SHROOM3: variants seen among roughly 807,000 people sequenced by gnomAD.
SHROOM3 encodes the protein shroom family member 3.
A neutral mutation model predicts 138.6 loss-of-function variants in SHROOM3; 47 were observed. That is an observed-to-expected ratio of 0.34 (90% CI 0.27 to 0.43). SHROOM3 has a LOEUF of 0.43. Among genes scored for constraint, SHROOM3 ranks in the 20% least tolerant of loss-of-function variants. The probability of loss-of-function intolerance (pLI) is 1.00; values close to 1 mark genes in which losing one functional copy is unlikely to be tolerated. For synonymous variants in SHROOM3, 1,062 were observed against 1,063.3 expected (o/e 1.00, Z 0.02); for missense variants, 2,491 against 2,596.5 (o/e 0.96, Z 0.88).
rs574090316 is a variant in SHROOM3, at chr4:76,591,752, C to T, written c.323+35989C>T. 9.3e-4 allele frequency among the ~76,000 whole-genome samples: 141 copies of T among 151,176 alleles called. 1 individual carries two copies. The highest frequency in any genetic ancestry group is 6.0e-4 in the East Asian group (3 of 5,040). On this transcript the variant is annotated intron_variant, in intron 2 of 10. Transcript: ENST00000296043. ...TTTCTGAAACACAGGTTCCTAATGA[C>T]GTTTTTCTTTCTATAAAGTCCTGAC...
intron 2 of SHROOM3, among the ~76,000 whole-genome samples, chr4:76,604,600 TA>T (rs79237488): frequency 0.085 from 12,886 of 152,222 alleles, 588 homozygotes; most frequent in East Asian, 0.14. Context: ...GTTCAAATGG[TA>T]ACCGTCCACC....
intron 3 of SHROOM3, among the ~76,000 whole-genome samples, chr4:76,710,697 A>G (rs760546760): frequency 1.3e-5 from 2 of 152,218 alleles, no homozygotes; most frequent in Non-Finnish European, 2.9e-5. Flanking sequence ...ACTAATCTTC[A>G]TTTAAAATTT....
chr4:76,745,408 G>C (rs1381950751), intron 5 of SHROOM3, among the ~76,000 whole-genome samples: 3 of 152,134 alleles, frequency 2.0e-5, no homozygotes, highest in Non-Finnish European at 4.4e-5. Flanking sequence ...GTATTTTCAG[G>C]GAACTTCATG....
At chr4:76,531,229 C>A (rs200615755) in intron 1 of SHROOM3, among the ~76,000 whole-genome samples, 4 of 152,136 alleles carry the variant, frequency 2.6e-5, no homozygotes, top group Non-Finnish European at 5.9e-5. Context: ...TGTCCTGTGT[C>A]CCAACACCAG....
intron 2 of SHROOM3, among the ~76,000 whole-genome samples, chr4:76,598,065 G>T (rs1734426278): frequency 7.0e-6 from 1 of 143,010 alleles, no homozygotes; most frequent in South Asian, 2.2e-4. Flanking sequence ...TTGCTCTGTT[G>T]CCCAGGCTGG....
rs147221936 is a variant in SHROOM3 at position 76,442,051 on chromosome 4, T to G, written c.168+5831T>G. On this transcript the variant is annotated intron_variant, in intron 1 of 10. Coordinates refer to ENST00000296043, the MANE Select transcript of SHROOM3 (RefSeq NM_020859.4). Reference sequence around the variant, plus strand: ...AGTGGCTTTTTATTATACAGGTATATAAAGGTCCTATAAAGGTAGTTGTTT... The same window carrying G: ...AGTGGCTTTTTATTATACAGGTATAGAAAGGTCCTATAAAGGTAGTTGTTT... 2.4e-4 allele frequency among the ~76,000 whole-genome samples: 36 copies of G among 152,316 alleles called. No homozygotes were observed. In the East Asian group the frequency reaches 6.7e-3, roughly 29 times the overall value.
At chr4:76,445,824 T>C (rs1730793401) in intron 1 of SHROOM3, among the ~76,000 whole-genome samples, 1 of 152,168 alleles carries the variant, frequency 6.6e-6, no homozygotes, top group African/African-American at 2.4e-5. Context: ...AGCCACCTTC[T>C]TCCTCCCTCT....
intron 2 of SHROOM3, among the ~76,000 whole-genome samples, chr4:76,574,020 G>A (rs1733886818): frequency 6.6e-6 from 1 of 152,156 alleles, no homozygotes. Context: ...GGTTCCCTGA[G>A]CCCTTTGACA....
rs779888953 is a variant in SHROOM3 at position 76,740,183 on chromosome 4, G to A, written c.2010G>A (p.Glu670=). The change falls in exon 5 of 11, where the codon GAG becomes GAA. Residue 670 remains glutamate (E), a synonymous_variant. Coordinates refer to ENST00000296043, the MANE Select transcript of SHROOM3 (RefSeq NM_020859.4). This position sits in a 1 kb window ranked among gnomAD's most constrained non-coding sequence, Gnocchi z 4.0. ...SAFSSLQNIP[E]SLRRHSSLEL... is the part of the protein sequence containing the mutation. Reference sequence around the variant, plus strand: ...TCTCATCTCTCCAGAACATTCCTGAGAGTCTGAGAAGACACAGCAGCCTGG... The same window carrying A: ...TCTCATCTCTCCAGAACATTCCTGAAAGTCTGAGAAGACACAGCAGCCTGG... 1.2e-6 allele frequency: 2 copies of A among 1,613,890 alleles called. No individual in the cohort carries two copies. The highest frequency in any genetic ancestry group is 1.1e-5 in the South Asian group (1 of 91,088).
intron 2 of SHROOM3, among the ~76,000 whole-genome samples, chr4:76,651,401 AATATATATATAT>A (rs33994270): frequency 0.016 from 1,367 of 86,716 alleles, 29 homozygotes; most frequent in South Asian, 0.027. Flanking sequence ...GTAACCCATA[AATATATATATAT>A]ATATATATAT....
rs1165592455 is a variant in SHROOM3, at chr4:76,671,060, T to C, written c.324-39096T>C. 2.6e-5 allele frequency among the ~76,000 whole-genome samples: 4 copies of C among 152,238 alleles called. No individual in the cohort carries two copies. In the East Asian group the frequency reaches 7.7e-4, roughly 29 times the overall value. ...CCTCCCTTTTAATCCCCTCTGCTAT[T>C]ACCCTAGTTTAGCCTATTTATTTGT... On this transcript the variant is annotated intron_variant, in intron 2 of 10. Transcript: ENST00000296043.
intron 1 of SHROOM3, among the ~76,000 whole-genome samples, chr4:76,500,231 A>G (rs1182367185): frequency 1.3e-5 from 2 of 152,132 alleles, no homozygotes; most frequent in East Asian, 3.9e-4. Flanking sequence ...CTCTGTCAGC[A>G]TGCTCCCTTG....
chr4:76,750,561 G>A (rs1721588044), intron 6 of SHROOM3, among the ~76,000 whole-genome samples: 2 of 152,088 alleles, frequency 1.3e-5, no homozygotes, highest in African/African-American at 4.8e-5. Context: ...TACCTATCAG[G>A]TACTATGCTT....
chr4:76,640,123 A>G (rs73826404), intron 2 of SHROOM3, among the ~76,000 whole-genome samples: 5,916 of 152,132 alleles, frequency 0.039, 381 homozygotes, highest in African/African-American at 0.13. Flanking sequence ...TTTTCTTCTA[A>G]AGAGACCCCC....
intron 1 of SHROOM3, among the ~76,000 whole-genome samples, chr4:76,513,666 G>A (rs1216869178): frequency 6.6e-6 from 1 of 152,110 alleles, no homozygotes; most frequent in African/African-American, 2.4e-5. Context: ...TATGCTTTAA[G>A]CAGGAAACAA....
intron 1 of SHROOM3, among the ~76,000 whole-genome samples, chr4:76,527,866 C>A (rs1295162287): frequency 6.6e-6 from 1 of 152,082 alleles, no homozygotes. Flanking sequence ...ATGTCACGTG[C>A]AGATTGGCTG....
At chr4:76,693,062 C>T (rs956916441) in intron 2 of SHROOM3, among the ~76,000 whole-genome samples, 6 of 152,186 alleles carry the variant, frequency 3.9e-5, no homozygotes, top group African/African-American at 7.2e-5. Context: ...TGCCTCTAGG[C>T]ATATATTACC....
chr4:76,615,985 T>C (rs1210691490), intron 2 of SHROOM3, among the ~76,000 whole-genome samples: 1 of 152,110 alleles, frequency 6.6e-6, no homozygotes, highest in Admixed American at 6.5e-5. Flanking sequence ...CTTCTGATAC[T>C]TGAAAAGACC....
intron 1 of SHROOM3, among the ~76,000 whole-genome samples, chr4:76,494,142 G>C (rs940731351): frequency 8.3e-5 from 12 of 145,322 alleles, no homozygotes; most frequent in Non-Finnish European, 1.3e-4. Context: ...ATATCTGCTG[G>C]TGTGTGCCCC....
Sources: gnomAD v4.1 joint callset for allele counts (sites outside exome capture counted in the v4.1 genomes callset) on GRCh38, gnomAD v4.1.1 for gene constraint, Gnocchi (gnomAD v3.1) non-coding constraint, MANE v1.5 for transcripts, NCBI Gene and HGNC (gene_info 2026-07-23, HGNC 2026-07-21) for gene names.